OCM: variants seen among roughly 807,000 people sequenced by gnomAD.
OCM encodes oncomodulin, also known as oncomodulin-1.
In OCM, 18 loss-of-function variants were observed where a neutral mutation model predicts 14.1. That is an observed-to-expected ratio of 1.28 (90% CI 0.88 to 1.89). OCM has a LOEUF of 1.89. OCM is among the 40% of genes most tolerant of loss of function. The probability of loss-of-function intolerance (pLI) is 0.00; values close to 1 mark genes in which losing one functional copy is unlikely to be tolerated. For missense variants in OCM, 140 were observed against 137.6 expected, an observed-to-expected ratio of 1.02 and a Z score of -0.09; for synonymous variants, 48 against 51.0, an observed-to-expected ratio of 0.94 and a Z score of 0.25.
intron 3 of OCM, among the ~76,000 whole-genome samples, chr7:5,884,997 G>A (rs1202933938): frequency 2.6e-5 from 4 of 152,002 alleles, no homozygotes; most frequent in Non-Finnish European, 5.9e-5. Context: ...GTGGGCACCT[G>A]TAATCCCAAC....
At chr7:5,864,937 T>G in the OCM span, among the ~76,000 whole-genome samples, 1 of 150,356 alleles carries the variant, frequency 6.7e-6, no homozygotes, top group South Asian at 2.1e-4. Flanking sequence ...AAACTCCCTC[T>G]CAAAAAAAAA....
intron 1 of OCM, 105 bp downstream of exon 1, chr7:5,881,055 A>T (rs1025323043): frequency 7.9e-6 from 9 of 1,145,724 alleles, no homozygotes; most frequent in Non-Finnish European, 1.2e-5. Context: ...GCAGTGGCTC[A>T]CACCTGTAAT....
intron 2 of OCM, among the ~76,000 whole-genome samples, chr7:5,883,663 G>A (rs1386903009): frequency 1.4e-5 from 2 of 147,488 alleles, no homozygotes; most frequent in Non-Finnish European, 3.0e-5. Context: ...TTCCAGCCTG[G>A]GTGACAGAGC....
chr7:5,865,572 A>G, the OCM span, among the ~76,000 whole-genome samples: 2 of 152,292 alleles, frequency 1.3e-5, no homozygotes, highest in African/African-American at 4.8e-5. Context: ...GTGTTTTTTT[A>G]TTAGGCTGGT....
At chr7:5,870,891 A>G in the OCM span, among the ~76,000 whole-genome samples, 2 of 115,984 alleles carry the variant, frequency 1.7e-5, no homozygotes, top group African/African-American at 3.6e-5. Context: ...ATTGATGAGT[A>G]TCTTTTTTTT....
chr7:5,876,405 C>G (rs1416570578), upstream of OCM, among the ~76,000 whole-genome samples: 1 of 152,184 alleles, frequency 6.6e-6, no homozygotes, highest in East Asian at 1.9e-4. Context: ...CCCACCTTGG[C>G]CTCCCAAAGT....
At chr7:5,863,653 C>T in the OCM span, among the ~76,000 whole-genome samples, 112 of 152,086 alleles carry the variant, frequency 7.4e-4, no homozygotes, top group African/African-American at 2.6e-3. Context: ...CTGCATCAGC[C>T]TTCCAGGTAG....
Position 5,883,769 on chromosome 7 carries a change from G to C in OCM, c.195-121G>C, listed in dbSNP as rs1389818001. 4.4e-6 allele frequency: 5 copies of C among 1,140,506 alleles called. No homozygotes were observed. The Admixed American group carries it at 1.1e-4, about 24-fold the overall frequency. 70.6% of individuals were successfully genotyped at this position (1,140,506 alleles called of 1,614,324 possible). A position where few individuals can be genotyped will look rare whatever the true frequency, so the allele number is the denominator to read the frequency against. On this transcript the variant is annotated intron_variant, in intron 2 of 3. Coordinates refer to ENST00000242104, the MANE Select transcript of OCM (RefSeq NM_001097622.2). ...GCTTAAGGAAACCTTTGCTTGCTAAGACCTTGGTTAATTATTGCCGGTGCT... is the reference window on the plus strand; with the variant it reads ...GCTTAAGGAAACCTTTGCTTGCTAACACCTTGGTTAATTATTGCCGGTGCT...
chr7:5,885,197 A>G (rs537762613), intron 3 of OCM, among the ~76,000 whole-genome samples: 78 of 152,040 alleles, frequency 5.1e-4, no homozygotes, highest in African/African-American at 1.9e-3. Context: ...GCAAGTCCCC[A>G]GTTTTTTATA....
the OCM span, among the ~76,000 whole-genome samples, chr7:5,865,184 A>T: frequency 1.0e-3 from 157 of 152,144 alleles, 1 homozygote; most frequent in Admixed American, 1.2e-3. Flanking sequence ...GGGGCCGACG[A>T]GTAGTGTGAT....
chr7:5,870,274 CTAATTTTTAAA>C, the OCM span, among the ~76,000 whole-genome samples: 1 of 152,136 alleles, frequency 6.6e-6, no homozygotes, highest in African/African-American at 2.4e-5. Flanking sequence ...CCCCGCCTGG[CTAATTTTTAAA>C]TTTTTTTGTA....
At chr7:5,867,065 G>A in the OCM span, among the ~76,000 whole-genome samples, 822 of 152,196 alleles carry the variant, frequency 5.4e-3, 16 homozygotes, top group African/African-American at 0.018. Context: ...CACATTGGAC[G>A]TTGAGGTGAT....
At chr7:5,864,077 C>T in the OCM span, among the ~76,000 whole-genome samples, 1 of 152,040 alleles carries the variant, frequency 6.6e-6, no homozygotes, top group Non-Finnish European at 1.5e-5. Context: ...CTGTGGCTCA[C>T]ACCTGAAATC....
In OCM at chr7:5,882,512, C is replaced by T. The variant is rs1261754567; in HGVS notation, c.81C>T (p.Pro27=). 1.9e-6 allele frequency: 3 copies of T among 1,613,966 alleles called. No homozygotes were observed. The highest frequency in any genetic ancestry group is 1.3e-5 in the African/African-American group (1 of 74,892). ...QECRDPDTFE[P]QKFFQTSGLS... is the part of the protein sequence containing the mutation. ...CTTCAGACCCAGACACTTTTGAACC[C>T]CAAAAATTCTTCCAGACATCAGGCC... Residue 27 remains proline, a synonymous_variant, in exon 2 of 4, where the codon CCC becomes CCT. Transcript: ENST00000242104.
At chr7:5,885,604 C>T (rs1446546912) in intron 3 of OCM, among the ~76,000 whole-genome samples, 1 of 147,954 alleles carries the variant, frequency 6.8e-6, no homozygotes, top group South Asian at 2.2e-4. Flanking sequence ...TTTTTTCTTT[C>T]TTTCTTTCCT....
intron 3 of OCM, 40 bp downstream of exon 3, chr7:5,884,039 C>G (rs762027699): frequency 1.2e-6 from 2 of 1,606,262 alleles, no homozygotes; most frequent in Non-Finnish European, 1.7e-6. Flanking sequence ...CACTCTAGCT[C>G]AGGAAGCATC....
the OCM span, among the ~76,000 whole-genome samples, chr7:5,862,125 T>G: frequency 6.6e-6 from 1 of 152,068 alleles, no homozygotes; most frequent in African/African-American, 2.4e-5. Context: ...CATGTGCTCG[T>G]TTGCCATCCA....
rs114366092 is a variant in OCM, at chr7:5,886,244, G to T, written c.*155G>T. On this transcript the variant is annotated 3_prime_UTR_variant, in exon 4 of 4. Coordinates refer to ENST00000242104, the MANE Select transcript of OCM (RefSeq NM_001097622.2). Reference sequence around the variant, plus strand: ...TTGCTCATTGTTTTAGTGAGGTCACGAGGGAGTCACTCCTGACTTTCTTGG... The same window carrying T: ...TTGCTCATTGTTTTAGTGAGGTCACTAGGGAGTCACTCCTGACTTTCTTGG... 5,381 of 1,096,414 alleles carry T rather than the reference G, an allele frequency of 4.9e-3. 173 individuals are homozygous for T. The African/African-American group carries it at 0.069, about 14-fold the overall frequency. The allele number at this position is 1,096,414 out of a possible 1,614,324, so 67.9% of individuals were successfully genotyped here. A position where few individuals can be genotyped will look rare whatever the true frequency, so the allele number is the denominator to read the frequency against.
chr7:5,875,305 C>A (rs941073514), upstream of OCM, among the ~76,000 whole-genome samples: 54 of 152,028 alleles, frequency 3.6e-4, no homozygotes, highest in African/African-American at 1.2e-3. Context: ...GATCTGCCCA[C>A]CTCAGCCTGC....
Sources: allele counts gnomAD v4.1 joint callset (sites outside exome capture counted in the v4.1 genomes callset), GRCh38; gene constraint gnomAD v4.1.1; transcripts MANE v1.5; gene names NCBI Gene and HGNC (gene_info 2026-07-23, HGNC 2026-07-21).